Variants in HEPHL1 observed in about 807,000 individuals in gnomAD.
The protein encoded by HEPHL1 is hephaestin like 1.
In HEPHL1, 123 loss-of-function variants were observed where a neutral mutation model predicts 122.0. The observed-to-expected ratio is 1.01, with a 90% CI of 0.87 to 1.17. The LOEUF (loss-of-function observed/expected upper bound fraction) is 1.17. Ranked by LOEUF, HEPHL1 falls within the 50% of genes most tolerant of loss-of-function variation. The pLI, the probability that HEPHL1 is intolerant of heterozygous loss-of-function variation, is 0.00. For missense variants in HEPHL1, 1,452 were observed against 1,430.5 expected (o/e 1.01, Z -0.24); for synonymous variants, 527 against 508.9 (o/e 1.04, Z -0.48).
At chr11:94,031,078 G>GC (rs1311960098) in intron 1 of HEPHL1, among the ~76,000 whole-genome samples, 1 of 152,038 alleles carries the variant, frequency 6.6e-6, no homozygotes, top group Non-Finnish European at 1.5e-5. Context: ...GAGAATTTTG[G>GC]CCCCTTGGAG....
intron 13 of HEPHL1, among the ~76,000 whole-genome samples, chr11:94,098,368 C>T (rs1462082732): frequency 6.6e-6 from 1 of 152,206 alleles, no homozygotes; most frequent in Non-Finnish European, 1.5e-5. Context: ...TGTAGAGTTT[C>T]TGCTGAGAGA....
chr11:94,094,346 G>T (rs1182221577), intron 13 of HEPHL1, among the ~76,000 whole-genome samples: 1 of 152,008 alleles, frequency 6.6e-6, no homozygotes, highest in African/African-American at 2.4e-5. Context: ...TTTTATGGCT[G>T]CATAGTATTC....
At chr11:94,070,288 C>G in intron 5 of HEPHL1, 86 bp from the exon 6 acceptor site, 1 of 1,362,436 alleles carries the variant, frequency 7.3e-7, no homozygotes. Context: ...CCTAAATGTT[C>G]AAGAGCCAAA....
intron 1 of HEPHL1, among the ~76,000 whole-genome samples, chr11:94,027,074 C>A (rs1945631836): frequency 6.6e-6 from 1 of 152,140 alleles, no homozygotes; most frequent in Admixed American, 6.6e-5. Context: ...AGGGGCCATT[C>A]CTTGACTCTT....
intron 13 of HEPHL1, among the ~76,000 whole-genome samples, chr11:94,098,612 C>A (rs1451159501): frequency 6.6e-6 from 1 of 152,194 alleles, no homozygotes; most frequent in Non-Finnish European, 1.5e-5. Context: ...GAGTGTTTTC[C>A]AACTTGATTC....
rs774957929 is a variant in HEPHL1, at chr11:94,111,105, G to T, written c.3208+40G>T. The T allele has an allele frequency of 7.3e-6, 11 of 1,517,062 alleles. No individual in the cohort carries two copies. In the South Asian group the frequency reaches 1.4e-4, roughly 19 times the overall value. 94.0% of individuals were successfully genotyped at this position (1,517,062 alleles called of 1,614,324 possible). On this transcript the variant is annotated intron_variant, in intron 18 of 19. Coordinates refer to ENST00000315765, the MANE Select transcript of HEPHL1 (RefSeq NM_001098672.2). Reference sequence around the variant, plus strand: ...CAGTGATGCCAGATGATGGCACCGAGCTTCCTGTAGACCCCCAAAACAGGA... The same window carrying T: ...CAGTGATGCCAGATGATGGCACCGATCTTCCTGTAGACCCCCAAAACAGGA...
At chr11:94,027,069 C>A (rs1945631793) in intron 1 of HEPHL1, among the ~76,000 whole-genome samples, 1 of 152,100 alleles carries the variant, frequency 6.6e-6, no homozygotes, top group Non-Finnish European at 1.5e-5. Context: ...AAGGGAGGGG[C>A]CATTCCTTGA....
At chr11:94,107,538 A>C (rs4625415) in intron 17 of HEPHL1, among the ~76,000 whole-genome samples, 104,192 of 152,036 alleles carry the variant, frequency 0.69, 35,794 homozygotes, top group Admixed American at 0.76. Context: ...CACAAATTTT[A>C]CCATTGCACC....
intron 1 of HEPHL1, among the ~76,000 whole-genome samples, chr11:94,033,630 C>A (rs1945694885): frequency 6.6e-6 from 1 of 152,060 alleles, no homozygotes; most frequent in African/African-American, 2.4e-5. Flanking sequence ...TGTCCTGGAC[C>A]TAGAGGGTAT....
intron 17 of HEPHL1, among the ~76,000 whole-genome samples, chr11:94,108,748 C>T (rs1946427089): frequency 6.6e-6 from 1 of 151,990 alleles, no homozygotes; most frequent in Admixed American, 6.6e-5. Flanking sequence ...TTCTGTTACA[C>T]TGGTTTATAC....
chr11:94,082,469 C>A lies in HEPHL1; in HGVS notation c.1768C>A (p.Leu590Met), dbSNP rs746204050. ...ACTGTTCACAGTCTTTGATGAGAAT[C>A]TGAGCAGATATTTTGATGAAAACAT... ...YLLFTVFDEN[L>M]SRYFDENIQK... is the part of the protein sequence containing the mutation. The change falls in exon 10 of 20, where the codon CTG becomes ATG. Residue 590 changes from leucine to methionine, a missense_variant. Coordinates refer to ENST00000315765, the MANE Select transcript of HEPHL1 (RefSeq NM_001098672.2). 4 of 1,612,234 alleles carry A rather than the reference C, an allele frequency of 2.5e-6. No individual in the cohort carries two copies. In the South Asian group the frequency reaches 4.4e-5, roughly 18 times the overall value.
intron 1 of HEPHL1, among the ~76,000 whole-genome samples, chr11:94,027,360 C>T (rs1945634332): frequency 6.6e-6 from 1 of 152,196 alleles, no homozygotes; most frequent in South Asian, 2.1e-4. Context: ...TTAGGATCTG[C>T]ACATACTCAG....
chr11:94,083,786 C>G (rs1386218488), intron 10 of HEPHL1, among the ~76,000 whole-genome samples: 1 of 151,980 alleles, frequency 6.6e-6, no homozygotes, highest in Non-Finnish European at 1.5e-5. Context: ...TCATCTTCTA[C>G]AAAAGGTTTT....
Position 94,093,482 on chromosome 11 carries a change from T to G in HEPHL1, c.2295-19T>G. On this transcript the variant is annotated intron_variant, in intron 12 of 19. Transcript: ENST00000315765. ...TCTGCTTTCTGACAACTTTAATTTC[T>G]GATGCTTCTGATTTGCAGACATGGA... The G allele has an allele frequency of 1.2e-6, 2 of 1,612,752 alleles. No homozygotes were observed. Among genetic ancestry groups the G allele is most frequent in the Non-Finnish European group, 1.7e-6 (2 of 1,179,420 alleles).
At chr11:94,059,939 C>T (rs936374226) in intron 2 of HEPHL1, among the ~76,000 whole-genome samples, 6 of 151,722 alleles carry the variant, frequency 4.0e-5, no homozygotes, top group African/African-American at 4.8e-5. Flanking sequence ...ATCGAAACTT[C>T]GAGACAAGTC....
intron 14 of HEPHL1, 115 bp downstream of exon 14, chr11:94,101,450 A>T (rs1946366625): frequency 2.0e-6 from 2 of 1,016,742 alleles, no homozygotes; most frequent in Admixed American, 2.7e-5. Context: ...TTCAGCCATC[A>T]TCTAGTCACT....
intron 13 of HEPHL1, among the ~76,000 whole-genome samples, chr11:94,094,797 C>T (rs1357084698): frequency 6.6e-6 from 1 of 152,194 alleles, no homozygotes; most frequent in Non-Finnish European, 1.5e-5. Flanking sequence ...TAAATGTCTT[C>T]TTTTGAGAAG....
At chr11:94,090,698 CTG>C (rs1946258006) in intron 12 of HEPHL1, among the ~76,000 whole-genome samples, 1 of 152,192 alleles carries the variant, frequency 6.6e-6, no homozygotes, top group Non-Finnish European at 1.5e-5. Flanking sequence ...TGAGGCATGT[CTG>C]TAGATAAGAG....
chr11:94,021,538 A>G lies in HEPHL1; in HGVS notation c.170A>G (p.Lys57Arg). 1 of 1,603,434 alleles carries G rather than the reference A, an allele frequency of 6.2e-7. No homozygotes were observed. The highest frequency in any genetic ancestry group is 8.5e-7 in the Non-Finnish European group (1 of 1,174,206). Residue 57 changes from lysine to arginine, a missense_variant and splice_region_variant, in exon 1 of 20, where the codon AAA becomes AGA. Lys to Arg is a conservative substitution (Grantham distance 26). Transcript: ENST00000315765. Reference protein sequence around the residue: ...VITGKSFTEDKLATLFLERGP... With the variant: ...VITGKSFTEDRLATLFLERGP... ...ACTGGGAAAAGTTTCACAGAAGACA[A>G]GTGAGTGAACTTAGGGTCCTCATTG...
Sources: gnomAD v4.1 joint callset for allele counts (sites outside exome capture counted in the v4.1 genomes callset) on GRCh38, gnomAD v4.1.1 for gene constraint, MANE v1.5 for transcripts, NCBI Gene and HGNC (gene_info 2026-07-23, HGNC 2026-07-21) for gene names.